Variants in TRABD2B observed in about 807,000 individuals in gnomAD.
The protein encoded by TRABD2B is metalloprotease TIKI2.
Under a neutral mutation model 40.1 loss-of-function variants are expected in TRABD2B, and 14 were observed. The observed-to-expected ratio is 0.35, with a 90% CI of 0.23 to 0.55. TRABD2B has a LOEUF of 0.55. Among genes scored for constraint, TRABD2B ranks in the 20% least tolerant of loss-of-function variants. The probability of loss-of-function intolerance (pLI) is 0.90; values close to 1 mark genes in which losing one functional copy is unlikely to be tolerated. For missense variants in TRABD2B, 541 were observed against 648.6 expected (o/e 0.83, Z 1.80); for synonymous variants, 263 against 277.0 (o/e 0.95, Z 0.50).
chr1:47,953,898 T>C (rs1570358113), intron 2 of TRABD2B, among the ~76,000 whole-genome samples: 1 of 152,230 alleles, frequency 6.6e-6, no homozygotes, highest in South Asian at 2.1e-4. Flanking sequence ...CCCTCATAGC[T>C]GTTCACATGA....
chr1:47,993,925 G>T, intron 2 of TRABD2B, 109 bp downstream of exon 2: 1 of 1,144,650 alleles, frequency 8.7e-7, no homozygotes, highest in East Asian at 2.6e-5. Context: ...CCAGAAAAAG[G>T]ACCTGACTCT....
chr1:47,777,471 A>G (rs1644462916), intron 5 of TRABD2B, among the ~76,000 whole-genome samples: 1 of 152,114 alleles, frequency 6.6e-6, no homozygotes, highest in Non-Finnish European at 1.5e-5. Flanking sequence ...ACAGGGAGTA[A>G]TAGTTCAGGG....
intron 2 of TRABD2B, among the ~76,000 whole-genome samples, chr1:47,822,186 C>G (rs1419867824): frequency 1.3e-5 from 2 of 151,012 alleles, no homozygotes; most frequent in African/African-American, 4.8e-5. Flanking sequence ...ATACACTCCT[C>G]CAGTGGAGAT....
At chr1:47,963,634 A>T (rs1645554892) in intron 2 of TRABD2B, among the ~76,000 whole-genome samples, 1 of 152,202 alleles carries the variant, frequency 6.6e-6, no homozygotes, top group African/African-American at 2.4e-5. Context: ...CATTTGGGTT[A>T]TTTATTTATT....
rs373747356 is a variant in TRABD2B at position 47,791,797 on chromosome 1, G to A, written c.988+2789C>T. 1.4e-4 allele frequency among the ~76,000 whole-genome samples: 21 copies of A among 152,332 alleles called. No homozygotes were observed. The East Asian group carries it at 3.9e-3, about 28-fold the overall frequency. Reference sequence around the variant, plus strand: ...CTCACCACAGCTTTCATGCGGATGCGTTCCATGTCAATAGGATGACTCTGT... The same window carrying A: ...CTCACCACAGCTTTCATGCGGATGCATTCCATGTCAATAGGATGACTCTGT... On this transcript the variant is annotated intron_variant, in intron 4 of 6. Coordinates refer to ENST00000606738, the MANE Select transcript of TRABD2B (RefSeq NM_001194986.2).
At chr1:47,857,842 G>C (rs1643910017) in intron 2 of TRABD2B, among the ~76,000 whole-genome samples, 1 of 152,012 alleles carries the variant, frequency 6.6e-6, no homozygotes. Flanking sequence ...TAATGTCTGT[G>C]TGCAAGGACT....
chr1:47,875,221 T>C (rs1233078562), intron 2 of TRABD2B, among the ~76,000 whole-genome samples: 4 of 151,846 alleles, frequency 2.6e-5, no homozygotes, highest in African/African-American at 9.7e-5. Context: ...TAAAAGCATG[T>C]TAGCACTCCA....
chr1:47,783,088 G>A (rs1471411295), intron 4 of TRABD2B, among the ~76,000 whole-genome samples: 2 of 152,102 alleles, frequency 1.3e-5, no homozygotes, highest in African/African-American at 4.8e-5. Flanking sequence ...GGAGAGAGGA[G>A]AAAGAGAGAG....
chr1:47,775,519 T>C, intron 5 of TRABD2B, 80 bp from the exon 6 acceptor site: 18 of 1,215,484 alleles, frequency 1.5e-5, no homozygotes, highest in Non-Finnish European at 1.9e-5. Flanking sequence ...TCCAATTCAG[T>C]GGGAGTTTGT....
chr1:47,956,174 A>AACCC, intron 2 of TRABD2B, among the ~76,000 whole-genome samples: 1 of 152,158 alleles, frequency 6.6e-6, no homozygotes, highest in Non-Finnish European at 1.5e-5. Flanking sequence ...CCACCATAGA[A>AACCC]ACCCACCCAC....
At chr1:47,855,765 G>A (rs931703568) in intron 2 of TRABD2B, among the ~76,000 whole-genome samples, 2 of 152,196 alleles carry the variant, frequency 1.3e-5, no homozygotes, top group African/African-American at 4.8e-5. Context: ...AAGACACAGA[G>A]GGCTTACTTC....
chr1:47,774,369 C>T (rs1644415204), intron 6 of TRABD2B, among the ~76,000 whole-genome samples: 1 of 152,134 alleles, frequency 6.6e-6, no homozygotes, highest in Non-Finnish European at 1.5e-5. Flanking sequence ...GGATTCTACC[C>T]CATCACTGAC....
At chr1:47,978,779 C>A (rs1007090834) in intron 2 of TRABD2B, among the ~76,000 whole-genome samples, 7 of 152,194 alleles carry the variant, frequency 4.6e-5, no homozygotes, top group African/African-American at 1.7e-4. Context: ...TCGCTCCTCC[C>A]CGGTGCCCCA....
chr1:47,987,400 T>C (rs1353755851), intron 2 of TRABD2B, among the ~76,000 whole-genome samples: 2 of 152,192 alleles, frequency 1.3e-5, no homozygotes, highest in Non-Finnish European at 2.9e-5. Flanking sequence ...TCACCATTCC[T>C]AGATTCTTTG....
At chr1:47,829,862 G>T (rs544393945) in intron 2 of TRABD2B, among the ~76,000 whole-genome samples, 1 of 152,268 alleles carries the variant, frequency 6.6e-6, no homozygotes, top group Non-Finnish European at 1.5e-5. Context: ...TGGGGCCAGT[G>T]GCCCCCATGG....
At chr1:47,893,791 T>C (rs1251371975) in intron 2 of TRABD2B, among the ~76,000 whole-genome samples, 1 of 152,156 alleles carries the variant, frequency 6.6e-6, no homozygotes, top group Non-Finnish European at 1.5e-5. Context: ...AACAGAGGGC[T>C]CAGGCATGTC....
At chr1:47,940,626 A>C (rs374226822) in intron 2 of TRABD2B, among the ~76,000 whole-genome samples, 10 of 152,308 alleles carry the variant, frequency 6.6e-5, no homozygotes, top group African/African-American at 2.4e-4. Flanking sequence ...CTGCAGGGCC[A>C]GGACCCCACA....
Position 47,929,433 on chromosome 1 carries a change from G to A in TRABD2B, c.666+64601C>T, listed in dbSNP as rs140267688. Reference sequence around the variant, plus strand: ...TGTTTATCAGTCCTCTCTCTGAACTGTTAAGCTCCAGAGCAAGAATACTTC... The same window carrying A: ...TGTTTATCAGTCCTCTCTCTGAACTATTAAGCTCCAGAGCAAGAATACTTC... On this transcript the variant is annotated intron_variant, in intron 2 of 6. Transcript: ENST00000606738. Among the ~76,000 whole-genome samples the A allele has an allele frequency of 3.3e-5, 5 of 152,332 alleles. No homozygotes were observed. In the East Asian group the frequency reaches 9.6e-4, roughly 29 times the overall value.
intron 3 of TRABD2B, chr1:47,795,534 C>T (rs895117967): frequency 7.1e-6 from 3 of 420,730 alleles, no homozygotes; most frequent in East Asian, 3.2e-4. Context: ...GTAGGCTCAC[C>T]CCCTGTTCTG....
Sources: gnomAD v4.1 joint callset for allele counts (sites outside exome capture counted in the v4.1 genomes callset) on GRCh38, gnomAD v4.1.1 for gene constraint, MANE v1.5 for transcripts, NCBI Gene and HGNC (gene_info 2026-07-23, HGNC 2026-07-21) for gene names.